The following THRB variants were observed in gnomAD, a reference collection of about 807,000 sequenced individuals.
THRB encodes the protein thyroid hormone receptor beta, also known as nuclear receptor subfamily 1 group A member 2.
In THRB, 12 loss-of-function variants were observed where a neutral mutation model predicts 47.8. The ratio of observed to expected loss-of-function variants is 0.25; its 90% CI spans 0.16 to 0.41. The LOEUF (loss-of-function observed/expected upper bound fraction) is 0.41, where lower values mean the gene tolerates loss of function less well. THRB is among the 10% of genes least tolerant of loss of function. The pLI is 1.00. For missense variants in THRB, 348 were observed against 589.2 expected, an observed-to-expected ratio of 0.59 and a Z score of 4.24; for synonymous variants, 218 against 212.2, an observed-to-expected ratio of 1.03 and a Z score of -0.24.
chr3:24,365,775 T>G (rs1464077251), intron 1 of THRB, among the ~76,000 whole-genome samples: 1 of 152,210 alleles, frequency 6.6e-6, no homozygotes, highest in Non-Finnish European at 1.5e-5. Flanking sequence ...CTTATAATTC[T>G]TATGCCTTAT....
intron 4 of THRB, among the ~76,000 whole-genome samples, chr3:24,224,021 C>A (rs2047409663): frequency 6.6e-6 from 1 of 152,118 alleles, no homozygotes; most frequent in East Asian, 1.9e-4. Flanking sequence ...CCAAAAATTT[C>A]TACATTTGGA....
At chr3:24,300,480 C>T (rs185379908) in intron 2 of THRB, among the ~76,000 whole-genome samples, 11 of 152,306 alleles carry the variant, frequency 7.2e-5, no homozygotes, top group Admixed American at 6.5e-4. Flanking sequence ...TCTTCTTTCC[C>T]TCCCTACAAC....
At chr3:24,440,308 A>G (rs2071403232) in intron 1 of THRB, among the ~76,000 whole-genome samples, 1 of 152,146 alleles carries the variant, frequency 6.6e-6, no homozygotes, top group Admixed American at 6.5e-5. Flanking sequence ...CACATATACT[A>G]TCTATACCCT....
rs879539687 is a variant in THRB at position 24,191,830 on chromosome 3, C to T, written c.23-1496G>A. ...ACAATAGTAACAAAGTAACAATCAA[C>T]ACACGATTCCTTTGTCATAGTAAAT... is the stretch of plus-strand genomic sequence containing the variant. On this transcript the variant is annotated intron_variant, in intron 4 of 10. Transcript: ENST00000646209. Among the ~76,000 whole-genome samples, 82 of 152,334 alleles carry T rather than the reference C, an allele frequency of 5.4e-4. 1 individual carries two copies. Among genetic ancestry groups the T allele is most frequent in the Non-Finnish European group, 1.0e-3 (68 of 68,028 alleles).
At position 24,417,710 on chromosome 3, in the gene THRB, A is replaced by T. The variant is rs28706917; in HGVS notation, c.-261+76942T>A. On this transcript the variant is annotated intron_variant, in intron 1 of 10. Coordinates refer to ENST00000646209, the MANE Select transcript of THRB (RefSeq NM_001354712.2). ...TGATTAGCTATACTTCAAAAGAGAA[A>T]GTCATTCTAGCTTTGACTTCTCTCC... Among the ~76,000 whole-genome samples the T allele has an allele frequency of 6.1e-3, 930 of 152,048 alleles. 10 individuals carry two copies. Among genetic ancestry groups the T allele is most frequent in the African/African-American group, 0.021 (867 of 41,544 alleles).
intron 1 of THRB, among the ~76,000 whole-genome samples, chr3:24,381,046 C>T (rs918105054): frequency 9.6e-5 from 14 of 145,628 alleles, no homozygotes; most frequent in African/African-American, 2.3e-4. Context: ...ACTTGGGAGG[C>T]GGAGGTTGCA....
At position 24,424,066 on chromosome 3, in the gene THRB, A is replaced by G. The variant is rs192906552; in HGVS notation, c.-261+70586T>C. Among the ~76,000 whole-genome samples, 498 of 152,044 alleles carry G rather than the reference A, an allele frequency of 3.3e-3. 5 individuals carry two copies. Among genetic ancestry groups the G allele is most frequent in the Non-Finnish European group, 2.8e-3 (187 of 67,900 alleles). On this transcript the variant is annotated intron_variant, in intron 1 of 10. Coordinates refer to ENST00000646209, the MANE Select transcript of THRB (RefSeq NM_001354712.2). ...CTTCAGTTTTTTAATTTCTGAAATT[A>G]GTACAGCTTTTTAATTTCTGAAATA...
intron 2 of THRB, among the ~76,000 whole-genome samples, chr3:24,328,499 C>T (rs573036706): frequency 5.3e-5 from 8 of 152,332 alleles, no homozygotes; most frequent in Admixed American, 3.9e-4. Context: ...ATCTCTTCCC[C>T]TTGTCTTCCC....
At chr3:24,160,562 G>A (rs1187076010) in intron 5 of THRB, among the ~76,000 whole-genome samples, 1 of 152,120 alleles carries the variant, frequency 6.6e-6, no homozygotes, top group African/African-American at 2.4e-5. Context: ...AGCTGGTACC[G>A]AGGGAGCTGA....
chr3:24,461,172 G>A (rs2125650859), intron 1 of THRB, among the ~76,000 whole-genome samples: 1 of 152,284 alleles, frequency 6.6e-6, no homozygotes, highest in Non-Finnish European at 1.5e-5. Context: ...GCATCACTTT[G>A]GAGAGGTTGG....
chr3:24,252,222 T>C (rs140384187), intron 3 of THRB, among the ~76,000 whole-genome samples: 1,775 of 152,202 alleles, frequency 0.012, 17 homozygotes, highest in Non-Finnish European at 0.014. Flanking sequence ...ATTAAGCCCA[T>C]CAGATATGAA....
intron 3 of THRB, among the ~76,000 whole-genome samples, chr3:24,258,258 C>G (rs1158860170): frequency 3.3e-5 from 5 of 152,092 alleles, no homozygotes; most frequent in Non-Finnish European, 7.3e-5. Flanking sequence ...GTGGGAGGCC[C>G]TGTCCGTCTG....
chr3:24,313,445 C>T lies in THRB; in HGVS notation c.-188-16074G>A, dbSNP rs145502250. Among the ~76,000 whole-genome samples, 389 of 152,228 alleles carry T rather than the reference C, an allele frequency of 2.6e-3. 3 individuals are homozygous for T. Among genetic ancestry groups the T allele is most frequent in the African/African-American group, 8.7e-3 (361 of 41,534 alleles). On this transcript the variant is annotated intron_variant, in intron 2 of 10. Transcript: ENST00000646209. Reference sequence around the variant, plus strand: ...CCTTGAAGCTGCTAAGAATATCCTGCCACCCACGGGACTAAATGTTCACAT... The same window carrying T: ...CCTTGAAGCTGCTAAGAATATCCTGTCACCCACGGGACTAAATGTTCACAT...
At chr3:24,425,536 G>A (rs368057916) in intron 1 of THRB, among the ~76,000 whole-genome samples, 3 of 151,850 alleles carry the variant, frequency 2.0e-5, no homozygotes, top group Admixed American at 6.6e-5. Flanking sequence ...ACTCAATTGA[G>A]TAATATCAGA....
intron 8 of THRB, among the ~76,000 whole-genome samples, chr3:24,143,153 A>G (rs1181514159): frequency 1.3e-5 from 2 of 152,226 alleles, no homozygotes; most frequent in African/African-American, 4.8e-5. Flanking sequence ...TGGGCATCTA[A>G]GGAAAGAAAT....
intron 3 of THRB, among the ~76,000 whole-genome samples, chr3:24,288,963 T>C (rs2055632895): frequency 1.3e-5 from 2 of 152,228 alleles, no homozygotes; most frequent in Non-Finnish European, 2.9e-5. Flanking sequence ...ACCAAAGCAA[T>C]GCCAGAAACA....
chr3:24,296,329 T>C (rs1424574111), intron 3 of THRB, among the ~76,000 whole-genome samples: 3 of 152,230 alleles, frequency 2.0e-5, no homozygotes, highest in Non-Finnish European at 2.9e-5. Context: ...AAAGGCAGCG[T>C]TGATGTGGCT....
chr3:24,481,424 GT>G (rs901281128), intron 1 of THRB, among the ~76,000 whole-genome samples: 1 of 151,918 alleles, frequency 6.6e-6, no homozygotes, highest in Non-Finnish European at 1.5e-5. Flanking sequence ...CTTGCATGTG[GT>G]TGGTCAAAAC....
chr3:24,200,475 C>T (rs1267039659), intron 4 of THRB, among the ~76,000 whole-genome samples: 1 of 152,146 alleles, frequency 6.6e-6, no homozygotes, highest in African/African-American at 2.4e-5. Context: ...GTATACATCA[C>T]CCTGTAAAAA....
Sources: allele counts gnomAD v4.1 joint callset (sites outside exome capture counted in the v4.1 genomes callset), GRCh38; gene constraint gnomAD v4.1.1; transcripts MANE v1.5; gene names NCBI Gene and HGNC (gene_info 2026-07-23, HGNC 2026-07-21).